The following UGT8 variants were observed in gnomAD, a reference collection of about 807,000 sequenced individuals.
The protein encoded by UGT8 is UDP glycosyltransferase 8, also known as 2-hydroxyacylsphingosine 1-beta-galactosyltransferase.
Under a neutral mutation model 40.5 loss-of-function variants are expected in UGT8, and 12 were observed. The observed-to-expected ratio is 0.30, with a 90% CI of 0.19 to 0.48. The LOEUF (loss-of-function observed/expected upper bound fraction) is 0.48, where lower values mean the gene tolerates loss of function less well. Ranked by LOEUF, UGT8 falls within the 20% of genes least tolerant of loss-of-function variation. The pLI is 0.99. For synonymous variants in UGT8, 224 were observed against 240.4 expected (o/e 0.93, Z 0.63); for missense variants, 513 against 648.7 (o/e 0.79, Z 2.27).
intron 1 of UGT8, among the ~76,000 whole-genome samples, chr4:114,618,546 G>A (rs1461299453): frequency 6.6e-6 from 1 of 152,014 alleles, no homozygotes; most frequent in Admixed American, 6.6e-5. Context: ...GTGGAGCTTC[G>A]GGAGAAAAGG....
intron 1 of UGT8, among the ~76,000 whole-genome samples, chr4:114,604,857 G>A (rs1048129649): frequency 2.0e-5 from 3 of 150,946 alleles, no homozygotes; most frequent in East Asian, 1.9e-4. Context: ...CCTGAAAATC[G>A]CTAGCCATAC....
chr4:114,641,799 C>A (rs1007503250), intron 2 of UGT8, among the ~76,000 whole-genome samples: 6 of 152,066 alleles, frequency 3.9e-5, no homozygotes, highest in African/African-American at 1.4e-4. Flanking sequence ...ATTATAAGAT[C>A]AAAATTTCTT....
chr4:114,640,608 T>C (rs1488475131), intron 2 of UGT8, among the ~76,000 whole-genome samples: 1 of 152,090 alleles, frequency 6.6e-6, no homozygotes, highest in Non-Finnish European at 1.5e-5. Context: ...GAGACTAGGC[T>C]GTTTACAAAG....
At chr4:114,633,721 A>C (rs1379776407) in intron 2 of UGT8, among the ~76,000 whole-genome samples, 1 of 152,212 alleles carries the variant, frequency 6.6e-6, no homozygotes, top group Non-Finnish European at 1.5e-5. Flanking sequence ...CAAAGTGGGC[A>C]GATCAAGAGG....
At chr4:114,632,416 G>A (rs1016734230) in intron 2 of UGT8, among the ~76,000 whole-genome samples, 2 of 152,136 alleles carry the variant, frequency 1.3e-5, no homozygotes, top group African/African-American at 4.8e-5. Flanking sequence ...GTGTTCAAAT[G>A]CAGGAGGGGA....
intron 1 of UGT8, among the ~76,000 whole-genome samples, chr4:114,599,905 A>G (rs1009750567): frequency 6.6e-6 from 1 of 152,114 alleles, no homozygotes; most frequent in Non-Finnish European, 1.5e-5. Context: ...TCTATATACA[A>G]GCTTTCTGGT....
chr4:114,611,544 T>TAC lies in UGT8; in HGVS notation c.-2-11334_-2-11333insCA, dbSNP rs763477326. 3.3e-3 allele frequency among the ~76,000 whole-genome samples: 204 copies of TAC among 62,298 alleles called. 2 individuals carry two copies. Among genetic ancestry groups the TAC allele is most frequent in the South Asian group, 0.027 (33 of 1,202 alleles). 40.9% of individuals were successfully genotyped at this position (62,298 alleles called of 152,430 possible). A position where few individuals can be genotyped will look rare whatever the true frequency, so the allele number is the denominator to read the frequency against. On this transcript the variant is annotated intron_variant, in intron 1 of 5. Coordinates refer to ENST00000310836, the MANE Select transcript of UGT8 (RefSeq NM_001128174.3). Reference sequence around the variant, plus strand: ...GTATATATCCATATATATATATATATATACACACACACAGATGTTAGAAGA... The same window carrying TAC: ...GTATATATCCATATATATATATATATACATACACACACACAGATGTTAGAAGA...
chr4:114,656,789 T>G (rs1413070487), intron 2 of UGT8: 1 of 524,526 alleles, frequency 1.9e-6, no homozygotes, highest in Non-Finnish European at 3.9e-6. Flanking sequence ...AAAATATTGG[T>G]ACCTGATGAA....
chr4:114,633,326 A>G (rs1255177494), intron 2 of UGT8, among the ~76,000 whole-genome samples: 4 of 152,364 alleles, frequency 2.6e-5, no homozygotes, highest in South Asian at 4.1e-4. Flanking sequence ...AACAGAAGCC[A>G]AAAGAATGCA....
intron 2 of UGT8, among the ~76,000 whole-genome samples, chr4:114,650,010 G>A (rs1346043634): frequency 6.6e-6 from 1 of 152,050 alleles, no homozygotes; most frequent in African/African-American, 2.4e-5. Flanking sequence ...TGGATCAGTG[G>A]GTTTTTTAAC....
At chr4:114,667,948 C>A in intron 4 of UGT8, 137 bp from the exon 5 acceptor site, 1 of 1,429,046 alleles carries the variant, frequency 7.0e-7, no homozygotes, top group South Asian at 1.5e-5. Context: ...GAGCAGGAAT[C>A]AGTGAAATTA....
chr4:114,629,529 A>G (rs1732444560), intron 2 of UGT8, among the ~76,000 whole-genome samples: 1 of 152,234 alleles, frequency 6.6e-6, no homozygotes, highest in Non-Finnish European at 1.5e-5. Flanking sequence ...GTTTTTGCAG[A>G]TGCTTTATAG....
intron 2 of UGT8, among the ~76,000 whole-genome samples, chr4:114,624,953 C>CT (rs1358959996): frequency 6.6e-6 from 1 of 152,154 alleles, no homozygotes; most frequent in African/African-American, 2.4e-5. Context: ...TTTATCCAAG[C>CT]TCATTTTGAA....
intron 3 of UGT8, 110 bp from the exon 4 acceptor site, chr4:114,665,570 C>G (rs1578466542): frequency 2.5e-6 from 3 of 1,219,052 alleles, no homozygotes; most frequent in South Asian, 4.6e-5. Context: ...TTAAGAATAT[C>G]AACAAAAGAT....
chr4:114,671,994 C>G (rs1735319940), intron 5 of UGT8, among the ~76,000 whole-genome samples: 1 of 152,088 alleles, frequency 6.6e-6, no homozygotes, highest in Non-Finnish European at 1.5e-5. Context: ...ACAACCCCAT[C>G]AAAAAATGGG....
intron 2 of UGT8, among the ~76,000 whole-genome samples, chr4:114,628,781 G>A (rs1167485049): frequency 6.8e-6 from 1 of 147,850 alleles, no homozygotes; most frequent in African/African-American, 2.5e-5. Flanking sequence ...AAAGCACATG[G>A]GACCAGGGAC....
At chr4:114,604,348 A>G (rs1321185992) in intron 1 of UGT8, among the ~76,000 whole-genome samples, 2 of 152,160 alleles carry the variant, frequency 1.3e-5, no homozygotes, top group Non-Finnish European at 2.9e-5. Context: ...TTAATATTTG[A>G]TGATTCCAAA....
chr4:114,621,748 A>T (rs530201960), intron 1 of UGT8, among the ~76,000 whole-genome samples: 1 of 152,324 alleles, frequency 6.6e-6, no homozygotes, highest in South Asian at 2.1e-4. Flanking sequence ...TGTTATTTCA[A>T]ATGTTTGAAA....
chr4:114,630,627 T>C (rs1486792637), intron 2 of UGT8, among the ~76,000 whole-genome samples: 1 of 151,926 alleles, frequency 6.6e-6, no homozygotes, highest in Non-Finnish European at 1.5e-5. Context: ...TACTTCTGTT[T>C]CCATCTTGGG....
Sources: gnomAD v4.1 joint callset for allele counts (sites outside exome capture counted in the v4.1 genomes callset) on GRCh38, gnomAD v4.1.1 for gene constraint, MANE v1.5 for transcripts, NCBI Gene and HGNC (gene_info 2026-07-23, HGNC 2026-07-21) for gene names.